The following SH2B1 variants were observed in gnomAD, a reference collection of about 807,000 sequenced individuals.
SH2B1 encodes SH2B adapter protein 1.
In SH2B1, 15 loss-of-function variants were observed where a neutral mutation model predicts 62.6. The ratio of observed to expected loss-of-function variants is 0.24; its 90% confidence interval spans 0.16 to 0.37. The LOEUF is 0.37. Among genes scored for constraint, SH2B1 ranks in the 10% least tolerant of loss-of-function variants. SH2B1 has a pLI of 1.00. For missense variants in SH2B1, 925 were observed against 1,015.6 expected (o/e 0.91, Z 1.21); for synonymous variants, 443 against 438.0 (o/e 1.01, Z -0.14).
chr16:28,865,889 C>G lies in SH2B1; in HGVS notation c.-206C>G. The G allele has an allele frequency of 7.4e-7, 1 of 1,355,182 alleles. No homozygotes were observed. The highest frequency in any genetic ancestry group is 3.6e-5 in the Admixed American group (1 of 27,748). 83.9% of individuals were successfully genotyped at this position (1,355,182 alleles called of 1,614,324 possible). On this transcript the variant is annotated 5_prime_UTR_variant, in exon 1 of 8. Coordinates refer to ENST00000684370, the MANE Select transcript of SH2B1 (RefSeq NM_001387430.1). The stretch of plus-strand genomic sequence containing the variant: ...GAGAGGGAAGGGAGGTGTTGGGCTC[C>G]CTTCCCCATTGCTCTCTGCGGAGTC...
intron 1 of SH2B1, among the ~76,000 whole-genome samples, chr16:28,856,203 G>T (rs1438657063): frequency 6.7e-6 from 1 of 149,946 alleles, no homozygotes; most frequent in Non-Finnish European, 1.5e-5. Context: ...GAATCCGGAG[G>T]TGGACATTGC....
At chr16:28,871,012 T>C (rs1962995028) in intron 4 of SH2B1, among the ~76,000 whole-genome samples, 1 of 150,836 alleles carries the variant, frequency 6.6e-6, no homozygotes, top group African/African-American at 2.4e-5. Context: ...TGTGTGTGTG[T>C]GTGTGTGTGT....
intron 1 of SH2B1, among the ~76,000 whole-genome samples, chr16:28,857,359 C>T (rs1031697024): frequency 6.1e-4 from 92 of 150,034 alleles, no homozygotes; most frequent in Admixed American, 1.2e-3. Flanking sequence ...GCTACACTGT[C>T]CCCCATCAGG....
intron 1 of SH2B1, among the ~76,000 whole-genome samples, chr16:28,847,495 G>T (rs1224941134): frequency 2.0e-5 from 3 of 152,086 alleles, no homozygotes; most frequent in African/African-American, 7.2e-5. Context: ...AGACTGGGAA[G>T]CTATATAACA....
chr16:28,852,500 TTA>T lies in SH2B1; in HGVS notation c.-301+5682_-301+5683del, dbSNP rs1219450278. Among the ~76,000 whole-genome samples the T allele has an allele frequency of 2.9e-3, 87 of 29,536 alleles. 36 individuals carry two copies. The highest frequency in any genetic ancestry group is 0.019 in the African/African-American group (73 of 3,834). The allele number at this position is 29,536 out of a possible 152,430, so 19.4% of individuals were successfully genotyped here. A position where few individuals can be genotyped will look rare whatever the true frequency, so the allele number is the denominator to read the frequency against. The stretch of plus-strand genomic sequence containing the variant: ...TATATTTATATATACATACATATAT[TTA>T]TATATATACACATATATTTATATAT... On this transcript the variant is annotated intron_variant, in intron 1 of 10. Coordinates refer to the SH2B1 transcript ENST00000322610.
chr16:28,851,495 T>C (rs952028927), intron 1 of SH2B1, among the ~76,000 whole-genome samples: 2 of 150,486 alleles, frequency 1.3e-5, no homozygotes, highest in African/African-American at 4.9e-5. Flanking sequence ...AGTCTTGCTC[T>C]GTCACCCAGG....
At position 28,864,993 on chromosome 16, in the gene SH2B1, GA is replaced by G. The variant is rs1962606744; in HGVS notation, c.-1101del. The G allele has an allele frequency of 1.5e-6, 1 of 661,182 alleles. No individual in the cohort carries two copies. The highest frequency in any genetic ancestry group is 2.0e-5 in the African/African-American group (1 of 50,858). 41.0% of individuals were successfully genotyped at this position (661,182 alleles called of 1,614,324 possible). A position where few individuals can be genotyped will look rare whatever the true frequency, so the allele number is the denominator to read the frequency against. On this transcript the variant is annotated 5_prime_UTR_variant, in exon 1 of 8. Transcript: ENST00000684370. ...CAGAGAGGACGTGGAATTTGTTCAA[GA>G]TAACATCGCTCATAAGGTGGCTGGA...
chr16:28,869,365 A>C lies in SH2B1; in HGVS notation c.1291A>C (p.Asn431His), dbSNP rs1226140456. The part of the protein sequence containing the change: ...QDLLLGPSES[N>H]DRLSQGAYGG... ...CCTGCTGCTTGGACCCAGCGAGAGC[A>C]ATGACCGCCTGTCGCAGGGTAAGGG... The change falls in exon 4 of 8, where the codon AAT becomes CAT. Residue 431 changes from asparagine to histidine, a missense_variant. Asn to His is a moderately conservative substitution (Grantham distance 68). Around this residue, in one of 3 missense-constraint regions of SH2B1, gnomAD observed 683 missense variants for 704.0 expected, o/e 0.97. Transcript: ENST00000684370. 1 of 1,613,796 alleles carries C rather than the reference A, an allele frequency of 6.2e-7. No individual in the cohort carries two copies. Among genetic ancestry groups the C allele is most frequent in the Non-Finnish European group, 8.5e-7 (1 of 1,179,882 alleles).
In SH2B1 at chr16:28,869,390, G is replaced by A; in HGVS notation, c.1309+7G>A. 1.2e-6 allele frequency: 2 copies of A among 1,612,402 alleles called. No homozygotes were observed. Among genetic ancestry groups the A allele is most frequent in the African/African-American group, 1.3e-5 (1 of 75,014 alleles). On this transcript the variant is annotated splice_region_variant and intron_variant, in intron 4 of 7. Coordinates refer to ENST00000684370, the MANE Select transcript of SH2B1 (RefSeq NM_001387430.1). ...AATGACCGCCTGTCGCAGGGTAAGG[G>A]TGGAGCCTTAGAGAGCTCGGAGCCT...
intron 1 of SH2B1, among the ~76,000 whole-genome samples, chr16:28,851,655 G>T (rs1345167740): frequency 6.6e-6 from 1 of 150,928 alleles, no homozygotes; most frequent in South Asian, 2.1e-4. Context: ...AGTAGAGATG[G>T]AGTTTCACCA....
chr16:28,867,238 G>A (rs764336711), intron 1 of SH2B1, 93 bp from the exon 2 acceptor site: 121 of 1,259,374 alleles, frequency 9.6e-5, no homozygotes, highest in Non-Finnish European at 1.3e-4. Context: ...CTAACTTCCC[G>A]AGGATGTAGA....
At chr16:28,867,166 G>A in intron 1 of SH2B1, 133 bp downstream of exon 1, 1 of 1,372,036 alleles carries the variant, frequency 7.3e-7, no homozygotes, top group East Asian at 2.3e-5. Context: ...GGTAAAGCTG[G>A]CTCTTGGCTC....
chr16:28,863,808 T>TTCTCTATGGTCCTCTTC (rs1962533371), upstream of SH2B1: 1 of 1,535,098 alleles, frequency 6.5e-7, no homozygotes, highest in Non-Finnish European at 8.7e-7. Flanking sequence ...GTCTCTTCCT[T>TTCTCTATGGTCCTCTTC]CAGCGACGGG....
chr16:28,870,580 C>G (rs1962970966), intron 4 of SH2B1, among the ~76,000 whole-genome samples: 1 of 151,494 alleles, frequency 6.6e-6, no homozygotes, highest in African/African-American at 2.4e-5. Flanking sequence ...GAAGGAGCAT[C>G]TTTGATGCCT....
At chr16:28,857,270 G>T (rs1368288573) in intron 1 of SH2B1, among the ~76,000 whole-genome samples, 2 of 149,396 alleles carry the variant, frequency 1.3e-5, no homozygotes, top group Non-Finnish European at 3.0e-5. Flanking sequence ...GCAACAGAGT[G>T]ACTCTGTCTC....
chr16:28,854,774 A>G (rs945704715), intron 1 of SH2B1, among the ~76,000 whole-genome samples: 7 of 152,128 alleles, frequency 4.6e-5, no homozygotes, highest in African/African-American at 1.7e-4. Context: ...AACGACAATA[A>G]TAATAAAATT....
chr16:28,866,844 A>G lies in SH2B1; in HGVS notation c.750A>G (p.Glu250=), dbSNP rs777056963. 6.2e-7 allele frequency: 1 copy of G among 1,603,064 alleles called. No homozygotes were observed. The highest frequency in any genetic ancestry group is 1.7e-4 in the Middle Eastern group (1 of 5,982). Residue 250 remains glutamate (E), a synonymous_variant, in exon 1 of 8, where the codon GAA becomes GAG. Transcript: ENST00000684370. The surrounding 1 kb of genome is among the most constrained non-coding windows in gnomAD (Gnocchi z 6.3). ...ATGGAGCAGGGATGGTGCAGAGGGA[A>G]GAGCTGCTGAGTTTCATGGGGGCTG... ...LKDGAGMVQR[E]ELLSFMGAEE...
rs1962760872 is a variant in SH2B1, at chr16:28,867,155, T to A, written c.939+122T>A. The A allele has an allele frequency of 2.1e-6, 3 of 1,425,574 alleles. No individual in the cohort carries two copies. The African/African-American group carries it at 4.2e-5, about 20-fold the overall frequency. 88.3% of individuals were successfully genotyped at this position (1,425,574 alleles called of 1,614,324 possible). ...GGCCCTGGTGTCGCTCACTTTTTGT[T>A]GGTAAAGCTGGCTCTTGGCTCTGTG... On this transcript the variant is annotated intron_variant, in intron 1 of 7. Coordinates refer to ENST00000684370, the MANE Select transcript of SH2B1 (RefSeq NM_001387430.1).
intron 4 of SH2B1, among the ~76,000 whole-genome samples, chr16:28,871,099 C>G (rs1257119100): frequency 1.3e-5 from 2 of 151,828 alleles, no homozygotes; most frequent in African/African-American, 4.8e-5. Context: ...CTCACTGCAA[C>G]CTCTGCCTCC....
Sources: allele counts gnomAD v4.1 joint callset (sites outside exome capture counted in the v4.1 genomes callset), GRCh38; gene constraint gnomAD v4.1.1; regional missense constraint gnomAD v4.1.1; non-coding constraint Gnocchi (gnomAD v3.1); transcripts MANE v1.5; gene names NCBI Gene and HGNC (gene_info 2026-07-23, HGNC 2026-07-21).